AGL: variants seen among roughly 807,000 people sequenced by gnomAD.
AGL encodes amylo-alpha-1,6-glucosidase and 4-alpha-glucanotransferase, also known as glycogen debranching enzyme.
Under a neutral mutation model 199.3 loss-of-function variants are expected in AGL, and 128 were observed. The observed-to-expected ratio is 0.64, with a 90% CI of 0.56 to 0.74. The LOEUF (loss-of-function observed/expected upper bound fraction) is 0.74. Among genes scored for constraint, AGL ranks in the 30% least tolerant of loss-of-function variants. The pLI, the probability that AGL is intolerant of heterozygous loss-of-function variation, is 0.00. For synonymous variants in AGL, 584 were observed against 594.7 expected (o/e 0.98, Z 0.26); for missense variants, 1,809 against 1,820.8 (o/e 0.99, Z 0.12).
intron 26 of AGL, among the ~76,000 whole-genome samples, chr1:99,902,095 T>G (rs1653886344): frequency 6.6e-6 from 1 of 152,182 alleles, no homozygotes; most frequent in Non-Finnish European, 1.5e-5. Flanking sequence ...ATGTAAGGAC[T>G]CTAAACATTT....
intron 26 of AGL, among the ~76,000 whole-genome samples, chr1:99,902,283 C>G (rs1570486306): frequency 6.6e-6 from 1 of 152,078 alleles, no homozygotes; most frequent in East Asian, 1.9e-4. Context: ...GAGAGTTTCC[C>G]TTTAGCTCAT....
intron 20 of AGL, among the ~76,000 whole-genome samples, chr1:99,885,502 C>T (rs1255527254): frequency 6.6e-6 from 1 of 152,184 alleles, no homozygotes; most frequent in African/African-American, 2.4e-5. Context: ...GGTCCATGGC[C>T]TGTTAGGAAC....
At position 99,881,588 on chromosome 1, in the gene AGL, C is replaced by G. The variant is rs769218837; in HGVS notation, c.2205C>G (p.His735Gln). 6.2e-7 allele frequency: 1 copy of G among 1,614,060 alleles called. No individual in the cohort carries two copies. The highest frequency in any genetic ancestry group is 8.5e-7 in the Non-Finnish European group (1 of 1,179,982). ...AAGACATAGTGGCAGTAACAAGACA[C>G]TCACCTAGCATCCATCAGTCTGTTG... ...VDEDIVAVTR[H>Q]SPSIHQSVVA... The change falls in exon 17 of 34, where the codon CAC becomes CAG. Residue 735 changes from histidine (H) to glutamine (Q), a missense_variant. Coordinates refer to ENST00000361915, the MANE Select transcript of AGL (RefSeq NM_000642.3).
At chr1:99,899,706 C>T (rs1220623219) in intron 25 of AGL, among the ~76,000 whole-genome samples, 1 of 151,746 alleles carries the variant, frequency 6.6e-6, no homozygotes, top group South Asian at 2.1e-4. Context: ...CTGCAAGCTC[C>T]GCCTCCCTGG....
At chr1:99,910,595 C>A in intron 27 of AGL, 117 bp from the exon 28 acceptor site, 1 of 433,262 alleles carries the variant, frequency 2.3e-6, no homozygotes, top group Non-Finnish European at 3.6e-6. Context: ...CCAAACTGAG[C>A]TTTAGAGTGG....
At chr1:99,857,490 A>T (rs1649613139) in intron 2 of AGL, among the ~76,000 whole-genome samples, 2 of 151,970 alleles carry the variant, frequency 1.3e-5, no homozygotes, top group South Asian at 4.2e-4. Context: ...TAGTGAGCCG[A>T]GATCACGCCA....
intron 2 of AGL, among the ~76,000 whole-genome samples, chr1:99,854,544 C>T (rs1009253144): frequency 2.0e-5 from 3 of 151,430 alleles, no homozygotes; most frequent in South Asian, 2.1e-4. Flanking sequence ...GGGCGGATCA[C>T]GAGGTCAGGA....
intron 33 of AGL, among the ~76,000 whole-genome samples, chr1:99,918,380 G>T (rs191654840): frequency 1.2e-4 from 19 of 152,252 alleles, no homozygotes; most frequent in Non-Finnish European, 2.4e-4. Flanking sequence ...TATGATTACA[G>T]TGACTCTTTT....
Position 99,913,631 on chromosome 1 carries a change from C to T in AGL, c.4054C>T (p.His1352Tyr). Residue 1352 changes from histidine to tyrosine, a missense_variant, in exon 30 of 34, where the codon CAT becomes TAT. Coordinates refer to ENST00000361915, the MANE Select transcript of AGL (RefSeq NM_000642.3). ...AGACCCTTCAGATTTAAATGAAAAG[C>T]ATCCAAATCTGGTTCACAAACGTGG... ...SEDPSDLNEK[H>Y]PNLVHKRGIY... 5 of 1,613,966 alleles carry T rather than the reference C, an allele frequency of 3.1e-6. No homozygotes were observed. The highest frequency in any genetic ancestry group is 4.2e-6 in the Non-Finnish European group (5 of 1,179,886).
chr1:99,870,721 T>C, intron 6 of AGL, 37 bp from the exon 7 acceptor site: 1 of 1,415,584 alleles, frequency 7.1e-7, no homozygotes, highest in Non-Finnish European at 9.9e-7. Flanking sequence ...AATAAGTATA[T>C]GTATATATGT....
chr1:99,863,727 G>T (rs1457599429), intron 4 of AGL, among the ~76,000 whole-genome samples: 2 of 150,276 alleles, frequency 1.3e-5, no homozygotes, highest in Non-Finnish European at 2.9e-5. Flanking sequence ...GGGATTACAG[G>T]CATGAGCCAC....
rs529578416 is a variant in AGL, at chr1:99,867,945, C to T, written c.665-2455C>T. ...TAGCAGGCCAAGAACACTGGGAACCCATTTGCCCTGGAAAAGGTCTTGGTT... is the reference window on the plus strand; with the variant it reads ...TAGCAGGCCAAGAACACTGGGAACCTATTTGCCCTGGAAAAGGTCTTGGTT... On this transcript the variant is annotated intron_variant, in intron 5 of 33. Transcript: ENST00000361915. Among the ~76,000 whole-genome samples the T allele has an allele frequency of 2.6e-5, 4 of 152,308 alleles. No homozygotes were observed. The South Asian group carries it at 6.2e-4, about 24-fold the overall frequency.
At chr1:99,896,226 T>G in intron 24 of AGL, 60 bp from the exon 25 acceptor site, 1 of 1,376,586 alleles carries the variant, frequency 7.3e-7, no homozygotes. Context: ...GTAATGGAGT[T>G]CATAGGTTTG....
chr1:99,892,433 T>G lies in AGL; in HGVS notation c.3085T>G (p.Phe1029Val), dbSNP rs1018565681. 1 of 1,613,376 alleles carries G rather than the reference T, an allele frequency of 6.2e-7. No homozygotes were observed. Among genetic ancestry groups the G allele is most frequent in the South Asian group, 1.1e-5 (1 of 91,022 alleles). The change falls in exon 24 of 34, where the codon TTT becomes GTT. Residue 1029 changes from phenylalanine to valine, a missense_variant and splice_region_variant. Coordinates refer to ENST00000361915, the MANE Select transcript of AGL (RefSeq NM_000642.3). ...TAAATTCAATCACTTTTGTTACAGC[T>G]TTGTTCAGAATGGTTCAACCTTTGT... ...LDTAWKQMSS[F>V]VQNGSTFVKH... is the part of the protein sequence containing the mutation.
At chr1:99,866,888 G>A (rs1382104150) in intron 5 of AGL, among the ~76,000 whole-genome samples, 3 of 151,248 alleles carry the variant, frequency 2.0e-5, no homozygotes, top group Admixed American at 1.3e-4. Context: ...GCGCGATCTC[G>A]GCTCACCGCA....
intron 27 of AGL, among the ~76,000 whole-genome samples, chr1:99,907,542 A>G (rs1654383405): frequency 6.6e-6 from 1 of 152,162 alleles, no homozygotes. Flanking sequence ...TGTCTTCCAC[A>G]GTGGCTGTGC....
rs2100817894 is a variant in AGL at position 99,900,644 on chromosome 1, T to C, written c.3371T>C (p.Ile1124Thr). 1.9e-6 allele frequency: 3 copies of C among 1,613,532 alleles called. No individual in the cohort carries two copies. Among genetic ancestry groups the C allele is most frequent in the Non-Finnish European group, 2.5e-6 (3 of 1,179,428 alleles). The change falls in exon 26 of 34, where the codon ATT (isoleucine) becomes ACT (threonine). Residue 1124 changes from isoleucine (I) to threonine (T), a missense_variant. Transcript: ENST00000361915. ...TGRYVEARNIILAFAGTLRHG... is the reference protein window; with the variant it reads ...TGRYVEARNITLAFAGTLRHG... ...TAATTCTGTTGTTTTAGGAATATTA[T>C]TTTAGCATTTGCGGGTACCCTGAGG...
chr1:99,882,148 A>G (rs1652090590), intron 17 of AGL, among the ~76,000 whole-genome samples: 1 of 36,464 alleles, frequency 2.7e-5, no homozygotes, highest in African/African-American at 7.3e-5. Flanking sequence ...AAAAAAAAAA[A>G]AAAAAAAGAA....
intron 1 of AGL, 67 bp from the exon 2 acceptor site, chr1:99,850,908 G>A: frequency 5.1e-6 from 4 of 777,848 alleles, no homozygotes; most frequent in Non-Finnish European, 9.2e-6. Context: ...TGTAAGTGCC[G>A]CTGTCAGCTC....
Sources: allele counts gnomAD v4.1 joint callset (sites outside exome capture counted in the v4.1 genomes callset), GRCh38; gene constraint gnomAD v4.1.1; transcripts MANE v1.5; gene names NCBI Gene and HGNC (gene_info 2026-07-23, HGNC 2026-07-21).